PPM1L: variants seen among roughly 807,000 people sequenced by gnomAD.
The protein encoded by PPM1L is protein phosphatase 1L.
A neutral mutation model predicts 31.4 loss-of-function variants in PPM1L; 13 were observed. The ratio of observed to expected loss-of-function variants is 0.41; its 90% CI spans 0.27 to 0.66. The LOEUF (loss-of-function observed/expected upper bound fraction) is 0.66. Among genes scored for constraint, PPM1L ranks in the 30% least tolerant of loss-of-function variants. PPM1L has a pLI of 0.29. For missense variants in PPM1L, 326 were observed against 453.7 expected (o/e 0.72, Z 2.56); for synonymous variants, 184 against 175.4 (o/e 1.05, Z -0.39).
intron 2 of PPM1L, among the ~76,000 whole-genome samples, chr3:161,031,419 C>A (rs1315973209): frequency 6.6e-6 from 1 of 151,872 alleles, no homozygotes; most frequent in Non-Finnish European, 1.5e-5. Flanking sequence ...GGTTGTCTGA[C>A]TCCAAAGCTT....
chr3:160,986,885 A>G (rs1007106234), intron 2 of PPM1L, among the ~76,000 whole-genome samples: 3 of 152,216 alleles, frequency 2.0e-5, no homozygotes, highest in African/African-American at 7.2e-5. Flanking sequence ...CTTTCTTACA[A>G]TAAAAGATTT....
At chr3:160,951,127 C>T (rs1447163773) in intron 1 of PPM1L, among the ~76,000 whole-genome samples, 1 of 152,154 alleles carries the variant, frequency 6.6e-6, no homozygotes, top group Non-Finnish European at 1.5e-5. Flanking sequence ...AAAATTTAGC[C>T]AGATTGCTTT....
intron 2 of PPM1L, chr3:161,022,363 G>T (rs1718258102): frequency 1.0e-5 from 4 of 387,016 alleles, no homozygotes; most frequent in Non-Finnish European, 1.8e-5. Context: ...ATTTCTTTAT[G>T]CATTTATTTT....
At chr3:160,905,022 A>C (rs1713702744) in intron 1 of PPM1L, among the ~76,000 whole-genome samples, 2 of 152,320 alleles carry the variant, frequency 1.3e-5, no homozygotes, top group South Asian at 4.1e-4. Context: ...CATTTGGTTC[A>C]CAGCAGAAAA....
chr3:160,927,895 A>G (rs1437048416), intron 1 of PPM1L, among the ~76,000 whole-genome samples: 1 of 152,142 alleles, frequency 6.6e-6, no homozygotes, highest in Non-Finnish European at 1.5e-5. Flanking sequence ...TGTAGTAGGT[A>G]CCCAGTAAAT....
intron 1 of PPM1L, among the ~76,000 whole-genome samples, chr3:160,950,432 A>G (rs1374795): frequency 0.73 from 110,527 of 152,024 alleles, 41,944 homozygotes; most frequent in Middle Eastern, 0.85. Context: ...AGCTCTCAGG[A>G]CAGAAAGACC....
intron 1 of PPM1L, among the ~76,000 whole-genome samples, chr3:160,905,644 G>A (rs1023089361): frequency 6.6e-6 from 1 of 152,134 alleles, no homozygotes; most frequent in South Asian, 2.1e-4. Flanking sequence ...TGATTTTCGA[G>A]AGACAGATGC....
At chr3:160,827,113 T>G (rs777127160) in intron 1 of PPM1L, among the ~76,000 whole-genome samples, 3 of 152,194 alleles carry the variant, frequency 2.0e-5, no homozygotes, top group Non-Finnish European at 4.4e-5. Flanking sequence ...AAACTCTTTG[T>G]GCTTGGCTGC....
rs1720085296 is a variant in PPM1L, at chr3:161,075,997, A to ACAT, written c.*6841_*6843dup. On this transcript the variant is annotated 3_prime_UTR_variant, in exon 4 of 4. Coordinates refer to ENST00000498165, the MANE Select transcript of PPM1L (RefSeq NM_139245.4). ...CAGGTACAACTGGGAGCGAGTTTTA[A>ACAT]CATAGTGGTAATTTTGCAAATGCCA... 1 of 152,242 alleles carries ACAT rather than the reference A, an allele frequency of 6.6e-6. No individual in the cohort carries two copies. Among genetic ancestry groups the ACAT allele is most frequent in the South Asian group, 2.1e-4 (1 of 4,834 alleles). The allele number at this position is 152,242 out of a possible 1,614,324, so 9.4% of individuals were successfully genotyped here. A position where few individuals can be genotyped will look rare whatever the true frequency, so the allele number is the denominator to read the frequency against.
At chr3:160,871,413 A>G (rs1332847808) in intron 1 of PPM1L, among the ~76,000 whole-genome samples, 1 of 152,204 alleles carries the variant, frequency 6.6e-6, no homozygotes, top group Non-Finnish European at 1.5e-5. Flanking sequence ...GACTTAGGGG[A>G]TTAGCTGTTC....
chr3:160,838,657 A>G (rs1390363519), intron 1 of PPM1L, among the ~76,000 whole-genome samples: 1 of 152,174 alleles, frequency 6.6e-6, no homozygotes, highest in Non-Finnish European at 1.5e-5. Flanking sequence ...CCTCTTTTCT[A>G]AAGATTAATA....
intron 1 of PPM1L, among the ~76,000 whole-genome samples, chr3:160,946,259 A>G (rs1033717343): frequency 3.9e-5 from 6 of 152,168 alleles, no homozygotes; most frequent in Non-Finnish European, 8.8e-5. Context: ...CCAAAGAGCA[A>G]AGGCTTACTG....
chr3:161,006,954 T>G (rs368259846), intron 2 of PPM1L, among the ~76,000 whole-genome samples: 1 of 152,190 alleles, frequency 6.6e-6, no homozygotes, highest in African/African-American at 2.4e-5. Flanking sequence ...AGTGCTGGGA[T>G]TATAGGCGTG....
chr3:160,959,513 G>A (rs1228276443), intron 1 of PPM1L, among the ~76,000 whole-genome samples: 1 of 152,074 alleles, frequency 6.6e-6, no homozygotes, highest in Non-Finnish European at 1.5e-5. Context: ...TAAGAACATG[G>A]AAACAATACA....
intron 1 of PPM1L, among the ~76,000 whole-genome samples, chr3:160,891,697 C>T (rs556518029): frequency 3.3e-5 from 5 of 152,246 alleles, no homozygotes; most frequent in South Asian, 4.1e-4. Context: ...CACATGCACA[C>T]GTATGTTTAT....
intron 1 of PPM1L, among the ~76,000 whole-genome samples, chr3:160,781,503 C>T (rs1259014629): frequency 6.6e-6 from 1 of 152,072 alleles, no homozygotes; most frequent in Non-Finnish European, 1.5e-5. Flanking sequence ...AGGAAAATGG[C>T]CTAGCTGCAC....
chr3:160,981,000 CACAA>C (rs1238286770), intron 2 of PPM1L, among the ~76,000 whole-genome samples: 2 of 152,110 alleles, frequency 1.3e-5, no homozygotes, highest in Non-Finnish European at 2.9e-5. Flanking sequence ...TTATACTTGG[CACAA>C]ATTAACTTCC....
chr3:160,770,953 T>G (rs577030713), intron 1 of PPM1L, among the ~76,000 whole-genome samples: 16 of 152,186 alleles, frequency 1.1e-4, no homozygotes, highest in South Asian at 2.1e-4. Context: ...CAAAGTCATG[T>G]CTAGTCAAAA....
At chr3:160,960,834 T>C (rs1421052619) in intron 1 of PPM1L, among the ~76,000 whole-genome samples, 1 of 152,160 alleles carries the variant, frequency 6.6e-6, no homozygotes, top group Non-Finnish European at 1.5e-5. Flanking sequence ...AGCAATGGGA[T>C]TCTCAACTTG....
Sources: gnomAD v4.1 joint callset for allele counts (sites outside exome capture counted in the v4.1 genomes callset) on GRCh38, gnomAD v4.1.1 for gene constraint, MANE v1.5 for transcripts, NCBI Gene and HGNC (gene_info 2026-07-23, HGNC 2026-07-21) for gene names.